Variants in CRIM1 observed in about 807,000 individuals in gnomAD.
CRIM1 encodes the protein cysteine-rich motor neuron 1 protein.
Under a neutral mutation model 116.4 loss-of-function variants are expected in CRIM1, and 32 were observed. The ratio of observed to expected loss-of-function variants is 0.27; its 90% CI spans 0.21 to 0.37. CRIM1 has a LOEUF of 0.37. Among genes scored for constraint, CRIM1 ranks in the 10% least tolerant of loss-of-function variants. The pLI is 1.00. For synonymous variants in CRIM1, 590 were observed against 509.2 expected (o/e 1.16, Z -2.13); for missense variants, 1,331 against 1,354.8 (o/e 0.98, Z 0.28).
chr2:36,453,495 C>T (rs1336346539), intron 4 of CRIM1, among the ~76,000 whole-genome samples: 1 of 152,140 alleles, frequency 6.6e-6, no homozygotes, highest in African/African-American at 2.4e-5. Context: ...CTCATCAGTA[C>T]CTAGCACGGG....
chr2:36,388,753 CTTATCATTTCTTGT>C (rs1671357823), intron 1 of CRIM1, among the ~76,000 whole-genome samples: 1 of 125,936 alleles, frequency 7.9e-6, no homozygotes, highest in African/African-American at 3.2e-5. Flanking sequence ...TTCTCCTGTC[CTTATCATTTCTTGT>C]TTCATGAAAC....
In CRIM1 at chr2:36,396,694, G is replaced by T. The variant is rs1217578215; in HGVS notation, c.412G>T (p.Gly138Trp). The change falls in exon 2 of 17, where the codon GGG becomes TGG. Residue 138 changes from glycine to tryptophan, a missense_variant. Gly to Trp is a radical substitution (Grantham distance 184). This residue lies in a region of CRIM1 where 690 missense variants were observed against 676.0 expected (regional missense o/e 1.02). Transcript: ENST00000280527. ...TATTGCTGGCTGCAATATAATCAAT[G>T]GGAAATGTGAATGTAACACCATTCG... is the stretch of plus-strand genomic sequence containing the variant. ...NLIAGCNIIN[G>W]KCECNTIRTC... 1 of 1,613,546 alleles carries T rather than the reference G, an allele frequency of 6.2e-7. No homozygotes were observed. Among genetic ancestry groups the T allele is most frequent in the South Asian group, 1.1e-5 (1 of 91,050 alleles).
chr2:36,379,281 C>A (rs1044392096), intron 1 of CRIM1: 14 of 152,144 alleles, frequency 9.2e-5, no homozygotes, highest in Admixed American at 2.6e-4. Flanking sequence ...TTGAAGGATT[C>A]ATTGTTTTAT....
chr2:36,447,239 AT>A (rs955265153), intron 4 of CRIM1, among the ~76,000 whole-genome samples: 7 of 149,778 alleles, frequency 4.7e-5, no homozygotes, highest in Admixed American at 1.3e-4. Flanking sequence ...AGGTTTTTTA[AT>A]TTTTTTTTTA....
intron 2 of CRIM1, among the ~76,000 whole-genome samples, chr2:36,434,752 A>G (rs1415700799): frequency 1.3e-5 from 2 of 152,178 alleles, no homozygotes; most frequent in Non-Finnish European, 2.9e-5. Context: ...CTGCCTATTA[A>G]TTGTATCAGT....
intron 1 of CRIM1, chr2:36,378,429 A>G (rs1670482116): frequency 6.4e-6 from 3 of 471,098 alleles, no homozygotes; most frequent in Non-Finnish European, 1.3e-5. Context: ...GGTCCCCCAA[A>G]TGGTCCAGAT....
chr2:36,520,117 G>A (rs1365873749), intron 12 of CRIM1, among the ~76,000 whole-genome samples: 1 of 152,184 alleles, frequency 6.6e-6, no homozygotes, highest in Non-Finnish European at 1.5e-5. Context: ...GGAGCCTCCT[G>A]CCTGGTGGAA....
At chr2:36,393,086 G>C (rs1308917132) in intron 1 of CRIM1, among the ~76,000 whole-genome samples, 1 of 152,200 alleles carries the variant, frequency 6.6e-6, no homozygotes, top group Non-Finnish European at 1.5e-5. Flanking sequence ...CTGTGGGGAG[G>C]CAGAGAAAAG....
chr2:36,430,446 C>T (rs527987010), intron 2 of CRIM1, among the ~76,000 whole-genome samples: 2 of 152,292 alleles, frequency 1.3e-5, no homozygotes, highest in African/African-American at 2.4e-5. Context: ...ATACACATTG[C>T]AGTATTTTTG....
chr2:36,527,865 T>G (rs1665861002), intron 13 of CRIM1, among the ~76,000 whole-genome samples: 1 of 152,172 alleles, frequency 6.6e-6, no homozygotes, highest in South Asian at 2.1e-4. Context: ...CTCCAGTGTA[T>G]TTTCTTAAAA....
Position 36,442,728 on chromosome 2 carries a change from C to A in CRIM1, c.862C>A (p.Pro288Thr). The A allele has an allele frequency of 6.2e-7, 1 of 1,614,106 alleles. No individual in the cohort carries two copies. The highest frequency in any genetic ancestry group is 8.5e-7 in the Non-Finnish European group (1 of 1,179,994). ...AACTGCAGATGGTTGCTGTACTTTG[C>A]CAACAAGGTTAGTTTGCCATTAGTT... ...RLTADGCCTL[P>T]TRCECLSGLC... Residue 288 changes from proline (P) to threonine (T), a missense_variant, in exon 4 of 17, where the codon CCA (proline) becomes ACA (threonine). Pro to Thr is a conservative substitution (Grantham distance 38). Transcript: ENST00000280527.
At position 36,517,355 on chromosome 2, in the gene CRIM1, C is replaced by T. The variant is rs1456710186; in HGVS notation, c.2019C>T (p.Leu673=). ...ADDFVVQKPE[L]STPSICHAPG... is the part of the protein sequence containing the mutation. ...ACTTTGTGGTGCAGAAGCCAGAGCTCAGTACTCCCTCCATTTGCCACGCCC... is the reference window on the plus strand; with the variant it reads ...ACTTTGTGGTGCAGAAGCCAGAGCTTAGTACTCCCTCCATTTGCCACGCCC... Residue 673 remains leucine (L), a synonymous_variant, in exon 12 of 17, where the codon CTC becomes CTT. Transcript: ENST00000280527. The T allele has an allele frequency of 1.2e-6, 2 of 1,614,158 alleles. No individual in the cohort carries two copies.
At chr2:36,425,739 G>C (rs939303917) in intron 2 of CRIM1, among the ~76,000 whole-genome samples, 5 of 152,124 alleles carry the variant, frequency 3.3e-5, no homozygotes, top group African/African-American at 9.7e-5. Flanking sequence ...ATTCTTAAGT[G>C]GGTAATGGGT....
At chr2:36,432,608 T>G (rs919144433) in intron 2 of CRIM1, among the ~76,000 whole-genome samples, 1 of 152,232 alleles carries the variant, frequency 6.6e-6, no homozygotes, top group Admixed American at 6.5e-5. Context: ...CTCTGAACTT[T>G]TTTCCTTCCT....
chr2:36,422,406 C>A (rs941653105), intron 2 of CRIM1, among the ~76,000 whole-genome samples: 2 of 152,026 alleles, frequency 1.3e-5, no homozygotes, highest in Admixed American at 1.3e-4. Flanking sequence ...CCTTTCTCCC[C>A]CTGCATAATT....
At chr2:36,510,278 G>C (rs747649849) in intron 9 of CRIM1, 139 bp downstream of exon 9, 6 of 762,968 alleles carry the variant, frequency 7.9e-6, no homozygotes, top group Non-Finnish European at 1.0e-5. Context: ...TTTGTTAGGT[G>C]ATTCAGAAAG....
chr2:36,544,624 T>TC (rs1439916633), intron 15 of CRIM1, 126 bp downstream of exon 15: 3 of 1,016,330 alleles, frequency 3.0e-6, no homozygotes, highest in Non-Finnish European at 3.8e-6. Context: ...AAATAACTAT[T>TC]CCCGGGCAGA....
chr2:36,476,402 C>T (rs762196986), intron 5 of CRIM1, among the ~76,000 whole-genome samples: 7 of 152,096 alleles, frequency 4.6e-5, no homozygotes, highest in African/African-American at 7.2e-5. Context: ...TAAAATTATA[C>T]GTGTTTATAC....
intron 2 of CRIM1, among the ~76,000 whole-genome samples, chr2:36,405,407 C>T (rs1439922350): frequency 6.6e-6 from 1 of 152,218 alleles, no homozygotes; most frequent in Non-Finnish European, 1.5e-5. Context: ...TCTGCCCCTA[C>T]CCGCTGTCCC....
Sources: allele counts gnomAD v4.1 joint callset (sites outside exome capture counted in the v4.1 genomes callset), GRCh38; gene constraint gnomAD v4.1.1; regional missense constraint gnomAD v4.1.1; transcripts MANE v1.5; gene names NCBI Gene and HGNC (gene_info 2026-07-23, HGNC 2026-07-21).